GABRB1: variants seen among roughly 807,000 people sequenced by gnomAD.
GABRB1 encodes the protein gamma-aminobutyric acid type A receptor subunit beta1.
A neutral mutation model predicts 51.6 loss-of-function variants in GABRB1; 17 were observed. That is an observed-to-expected ratio of 0.33 (90% confidence interval 0.23 to 0.49). The LOEUF is 0.49. Ranked by LOEUF, GABRB1 falls within the 20% of genes least tolerant of loss-of-function variation. The pLI is 0.99. For synonymous variants in GABRB1, 247 were observed against 218.9 expected (o/e 1.13, Z -1.14); for missense variants, 410 against 600.6 (o/e 0.68, Z 3.32).
intron 4 of GABRB1, among the ~76,000 whole-genome samples, chr4:47,166,537 C>T (rs375428688): frequency 6.6e-6 from 1 of 151,958 alleles, no homozygotes; most frequent in Non-Finnish European, 1.5e-5. Context: ...AAAATAAAGA[C>T]CTATAATGTA....
chr4:47,208,228 C>A (rs1405334777), intron 4 of GABRB1, among the ~76,000 whole-genome samples: 3 of 151,748 alleles, frequency 2.0e-5, no homozygotes, highest in Non-Finnish European at 4.4e-5. Flanking sequence ...GAAAAATAAA[C>A]CAGATACAAA....
chr4:47,056,711 T>C (rs1406271039), intron 3 of GABRB1, among the ~76,000 whole-genome samples: 1 of 152,066 alleles, frequency 6.6e-6, no homozygotes, highest in African/African-American at 2.4e-5. Flanking sequence ...TGAGCTGACA[T>C]GATGATATGA....
At chr4:47,204,640 C>G (rs558971426) in intron 4 of GABRB1, among the ~76,000 whole-genome samples, 1 of 152,200 alleles carries the variant, frequency 6.6e-6, no homozygotes, top group South Asian at 2.1e-4. Context: ...GTGGGTCTTT[C>G]CCGTCCTATT....
chr4:47,130,326 TGTGTGTGTGTG>T (rs1716354685), intron 3 of GABRB1, among the ~76,000 whole-genome samples: 1 of 64 alleles, frequency 0.016, no homozygotes, highest in Non-Finnish European at 0.045. Flanking sequence ...CTCCAGATAC[TGTGTGTGTGTG>T]TGTGTGTGTG....
intron 4 of GABRB1, among the ~76,000 whole-genome samples, chr4:47,246,355 T>C (rs1187236754): frequency 4.0e-4 from 9 of 22,358 alleles, no homozygotes; most frequent in South Asian, 1.3e-3. Flanking sequence ...TATATATATA[T>C]ATATATATAT....
intron 1 of GABRB1, among the ~76,000 whole-genome samples, chr4:47,021,103 AC>A (rs1449368538): frequency 6.2e-4 from 95 of 152,264 alleles, no homozygotes; most frequent in Non-Finnish European, 2.5e-4. Context: ...TTTTCAACAA[AC>A]AAAACCCTCC....
intron 4 of GABRB1, among the ~76,000 whole-genome samples, chr4:47,298,452 A>G (rs1724104068): frequency 6.6e-6 from 1 of 152,162 alleles, no homozygotes; most frequent in Non-Finnish European, 1.5e-5. Context: ...TAACAGACAA[A>G]CAGAGAGCCA....
At chr4:47,415,937 A>G (rs1482672693) in intron 8 of GABRB1, among the ~76,000 whole-genome samples, 1 of 152,166 alleles carries the variant, frequency 6.6e-6, no homozygotes, top group Admixed American at 6.5e-5. Flanking sequence ...CTCAAAGTAT[A>G]AGTTTCAGAT....
intron 5 of GABRB1, among the ~76,000 whole-genome samples, chr4:47,340,496 A>G (rs928345506): frequency 6.6e-6 from 1 of 152,164 alleles, no homozygotes; most frequent in Non-Finnish European, 1.5e-5. Flanking sequence ...GTCCAAGATC[A>G]AAGCACCAGT....
At position 47,214,642 on chromosome 4, in the gene GABRB1, G is replaced by GTATAA. The variant is rs976410088; in HGVS notation, c.461+53177_461+53178insATATA. Among the ~76,000 whole-genome samples the GTATAA allele has an allele frequency of 7.6e-4, 115 of 152,194 alleles. 1 individual carries two copies. The highest frequency in any genetic ancestry group is 2.3e-3 in the African/African-American group (95 of 41,540). On this transcript the variant is annotated intron_variant, in intron 4 of 8. Coordinates refer to ENST00000295454, the MANE Select transcript of GABRB1 (RefSeq NM_000812.4). ...AAAATATGGTTATAAAAGTGTTCAA[G>GTATAA]TATATTATATTAAATAAACTCATCT... is the stretch of plus-strand genomic sequence containing the variant.
At chr4:47,159,898 C>T (rs1717862613) in intron 3 of GABRB1, among the ~76,000 whole-genome samples, 1 of 152,044 alleles carries the variant, frequency 6.6e-6, no homozygotes, top group Admixed American at 6.6e-5. Flanking sequence ...TTAATAGTCA[C>T]TAAGGCATTC....
intron 3 of GABRB1, among the ~76,000 whole-genome samples, chr4:47,130,365 G>GTGTT (rs1440507231): frequency 7.0e-6 from 1 of 142,616 alleles, no homozygotes; most frequent in Non-Finnish European, 1.6e-5. Context: ...GTGTGTGTGT[G>GTGTT]TGTGTGTGTG....
chr4:47,266,409 C>CT (rs1722643571), intron 4 of GABRB1, among the ~76,000 whole-genome samples: 1 of 151,912 alleles, frequency 6.6e-6, no homozygotes, highest in African/African-American at 2.4e-5. Context: ...CATTTGGGCT[C>CT]TTTTTTTGGT....
chr4:47,158,019 T>C (rs1022016952), intron 3 of GABRB1, among the ~76,000 whole-genome samples: 3 of 152,240 alleles, frequency 2.0e-5, no homozygotes, highest in East Asian at 1.9e-4. Flanking sequence ...TCAATATGTA[T>C]TGAAAACAGA....
At chr4:47,405,358 T>C (rs1347117096) in intron 7 of GABRB1, among the ~76,000 whole-genome samples, 1 of 152,176 alleles carries the variant, frequency 6.6e-6, no homozygotes, top group Non-Finnish European at 1.5e-5. Context: ...GCGAAACTAT[T>C]TTTCCCTTCA....
chr4:47,345,787 A>G (rs1046220992), intron 5 of GABRB1, among the ~76,000 whole-genome samples: 2 of 152,174 alleles, frequency 1.3e-5, no homozygotes, highest in Non-Finnish European at 2.9e-5. Context: ...ACAGGAACAC[A>G]ATAGTTTATT....
At chr4:47,100,279 T>C (rs886283847) in intron 3 of GABRB1, among the ~76,000 whole-genome samples, 2 of 152,006 alleles carry the variant, frequency 1.3e-5, no homozygotes, top group African/African-American at 2.4e-5. Context: ...TGTAAAATTA[T>C]ACCTAATAGC....
chr4:47,211,064 A>C (rs1292900710), intron 4 of GABRB1, among the ~76,000 whole-genome samples: 1 of 152,192 alleles, frequency 6.6e-6, no homozygotes, highest in East Asian at 1.9e-4. Context: ...TCTTTAAAGC[A>C]TTGATTAACC....
intron 4 of GABRB1, among the ~76,000 whole-genome samples, chr4:47,273,936 GTA>G (rs757643394): frequency 1.1e-3 from 169 of 151,322 alleles, no homozygotes; most frequent in Non-Finnish European, 1.8e-3. Context: ...TCCTATGTGT[GTA>G]TATGTACACA....
Sources: gnomAD v4.1 joint callset for allele counts (sites outside exome capture counted in the v4.1 genomes callset) on GRCh38, gnomAD v4.1.1 for gene constraint, MANE v1.5 for transcripts, NCBI Gene and HGNC (gene_info 2026-07-23, HGNC 2026-07-21) for gene names.